The following PLEKHH2 variants were observed in gnomAD, a reference collection of about 807,000 sequenced individuals.
PLEKHH2 encodes the protein pleckstrin homology domain-containing family H member 2.
Under a neutral mutation model 187.9 loss-of-function variants are expected in PLEKHH2, and 129 were observed. The ratio of observed to expected loss-of-function variants is 0.69; its 90% confidence interval spans 0.59 to 0.79. PLEKHH2 has a LOEUF of 0.79. Among genes scored for constraint, PLEKHH2 ranks in the 30% least tolerant of loss-of-function variants. PLEKHH2 has a pLI of 0.00. For missense variants in PLEKHH2, 2,076 were observed against 1,751.2 expected, an observed-to-expected ratio of 1.19 and a Z score of -3.31; for synonymous variants, 686 against 605.6, an observed-to-expected ratio of 1.13 and a Z score of -1.95.
At chr2:43,751,892 T>C (rs1178888147) in intron 24 of PLEKHH2, among the ~76,000 whole-genome samples, 2 of 152,086 alleles carry the variant, frequency 1.3e-5, no homozygotes, top group Non-Finnish European at 2.9e-5. Context: ...TTTGAGCCCA[T>C]GGTTCATGTC....
chr2:43,719,144 G>A (rs908018508), intron 15 of PLEKHH2, among the ~76,000 whole-genome samples: 1 of 152,008 alleles, frequency 6.6e-6, no homozygotes, highest in Non-Finnish European at 1.5e-5. Context: ...TGATTTAATT[G>A]TCTGTCTTCT....
At chr2:43,682,519 C>A (rs770318516) in intron 3 of PLEKHH2, among the ~76,000 whole-genome samples, 23 of 152,122 alleles carry the variant, frequency 1.5e-4, no homozygotes, top group South Asian at 1.0e-3. Flanking sequence ...GTTGGCCAGG[C>A]TGGTCTCGAA....
chr2:43,759,082 G>C (rs1486823947), intron 27 of PLEKHH2, 53 bp downstream of exon 27: 2 of 1,567,192 alleles, frequency 1.3e-6, no homozygotes, highest in African/African-American at 2.7e-5. Flanking sequence ...GTACATAGTT[G>C]ACCAGATTTA....
At chr2:43,701,913 G>A (rs1468702699) in intron 8 of PLEKHH2, among the ~76,000 whole-genome samples, 1 of 151,946 alleles carries the variant, frequency 6.6e-6, no homozygotes, top group Non-Finnish European at 1.5e-5. Flanking sequence ...AACTACAGAC[G>A]TTTACCACCA....
chr2:43,744,620 C>A (rs767742101), intron 23 of PLEKHH2, among the ~76,000 whole-genome samples: 5 of 152,130 alleles, frequency 3.3e-5, no homozygotes, highest in African/African-American at 1.2e-4. Context: ...GTAATCCAAG[C>A]ACTTTGGGAG....
chr2:43,642,859 G>C (rs529574367), intron 1 of PLEKHH2, among the ~76,000 whole-genome samples: 8 of 152,154 alleles, frequency 5.3e-5, no homozygotes, highest in African/African-American at 1.4e-4. Context: ...TTTACATGTA[G>C]AGCAAAAATT....
At chr2:43,761,545 G>A (rs1672429937) in intron 27 of PLEKHH2, among the ~76,000 whole-genome samples, 1 of 151,658 alleles carries the variant, frequency 6.6e-6, no homozygotes, top group Non-Finnish European at 1.5e-5. Context: ...CAAGTAGATC[G>A]GATTACAGGC....
chr2:43,644,608 T>C, intron 1 of PLEKHH2, 63 bp from the exon 2 acceptor site: 1 of 1,261,234 alleles, frequency 7.9e-7, no homozygotes, highest in Non-Finnish European at 1.1e-6. Flanking sequence ...TGAATATTAA[T>C]TGTGTTGTAG....
chr2:43,702,319 A>G (rs915418369), intron 8 of PLEKHH2, among the ~76,000 whole-genome samples: 7 of 152,168 alleles, frequency 4.6e-5, no homozygotes, highest in African/African-American at 1.7e-4. Context: ...TTTTATTTCA[A>G]TATCCACATG....
chr2:43,667,549 C>T (rs1010008759), intron 2 of PLEKHH2, among the ~76,000 whole-genome samples: 1 of 152,150 alleles, frequency 6.6e-6, no homozygotes, highest in African/African-American at 2.4e-5. Context: ...CATCAACTAA[C>T]TGATGAATGG....
chr2:43,756,260 C>A (rs1672207250), intron 25 of PLEKHH2, among the ~76,000 whole-genome samples: 1 of 151,926 alleles, frequency 6.6e-6, no homozygotes, highest in Non-Finnish European at 1.5e-5. Flanking sequence ...TCAGGAGAGA[C>A]CCTCAAAAAG....
chr2:43,723,145 T>A (rs2104551224), intron 16 of PLEKHH2, among the ~76,000 whole-genome samples: 1 of 152,350 alleles, frequency 6.6e-6, no homozygotes, highest in African/African-American at 2.4e-5. Flanking sequence ...ACAATTAGGT[T>A]AGTATTGTTA....
At chr2:43,748,376 A>G (rs1572657395) in intron 24 of PLEKHH2, among the ~76,000 whole-genome samples, 1 of 152,362 alleles carries the variant, frequency 6.6e-6, no homozygotes, top group South Asian at 2.1e-4. Context: ...TTATCAAGGT[A>G]TCAGTGGCCC....
chr2:43,711,415 G>A, intron 14 of PLEKHH2: 1 of 982,450 alleles, frequency 1.0e-6, no homozygotes, highest in South Asian at 4.7e-5. Flanking sequence ...ATTTGAGACT[G>A]GAACATTCTG....
At position 43,729,760 on chromosome 2, in the gene PLEKHH2, A is replaced by T. The variant is rs765640428; in HGVS notation, c.2830+15A>T. 1.8e-5 allele frequency: 27 copies of T among 1,537,128 alleles called. No homozygotes were observed. In the South Asian group the frequency reaches 3.1e-4, roughly 18 times the overall value. ...CGGGGAGCCTTGTAAGTTCATAAAC[A>T]TATAAATAAAGCTTTATGGTTAATG... is the stretch of plus-strand genomic sequence containing the variant. On this transcript the variant is annotated intron_variant, in intron 18 of 29. Coordinates refer to ENST00000282406, the MANE Select transcript of PLEKHH2 (RefSeq NM_172069.4).
At position 43,699,940 on chromosome 2, in the gene PLEKHH2, G is replaced by C. The variant is rs777673724; in HGVS notation, c.982G>C (p.Ala328Pro). Residue 328 changes from alanine to proline, a missense_variant, in exon 8 of 30, where the codon GCA becomes CCA. Coordinates refer to ENST00000282406, the MANE Select transcript of PLEKHH2 (RefSeq NM_172069.4). ...GATGGGAAGTGAAATGTATCTGACAGCATCTGATGACAGCAGCTCTATATT... is the reference window on the plus strand; with the variant it reads ...GATGGGAAGTGAAATGTATCTGACACCATCTGATGACAGCAGCTCTATATT... ...SRMGSEMYLT[A>P]SDDSSSIFEE... The C allele has an allele frequency of 1.2e-6, 2 of 1,614,128 alleles. No homozygotes were observed. The highest frequency in any genetic ancestry group is 1.1e-5 in the South Asian group (1 of 91,086).
chr2:43,656,031 T>A (rs191958530), intron 2 of PLEKHH2, among the ~76,000 whole-genome samples: 1 of 152,024 alleles, frequency 6.6e-6, no homozygotes, highest in Non-Finnish European at 1.5e-5. Flanking sequence ...TGATCTCGGC[T>A]CACTGCAATC....
intron 21 of PLEKHH2, 101 bp downstream of exon 21, chr2:43,741,144 T>C (rs1248328263): frequency 2.9e-6 from 3 of 1,051,174 alleles, no homozygotes; most frequent in Admixed American, 2.7e-5. Flanking sequence ...TTCAGAAGAA[T>C]GTATGAAACA....
chr2:43,700,762 C>T (rs1669325259), intron 8 of PLEKHH2, among the ~76,000 whole-genome samples, 154 bp downstream of exon 8: 1 of 152,056 alleles, frequency 6.6e-6, no homozygotes, highest in Non-Finnish European at 1.5e-5. Context: ...AAGTGATTCT[C>T]CTGCCTCAGC....
Sources: allele counts gnomAD v4.1 joint callset (sites outside exome capture counted in the v4.1 genomes callset), GRCh38; gene constraint gnomAD v4.1.1; transcripts MANE v1.5; gene names NCBI Gene and HGNC (gene_info 2026-07-23, HGNC 2026-07-21).